COL23A1: variants seen among roughly 807,000 people sequenced by gnomAD.
COL23A1 encodes the protein collagen alpha-1(XXIII) chain.
A neutral mutation model predicts 99.3 loss-of-function variants in COL23A1; 97 were observed. The ratio of observed to expected loss-of-function variants is 0.98; its 90% CI spans 0.83 to 1.16. COL23A1 has a LOEUF of 1.16. Among genes scored for constraint, COL23A1 ranks in the 50% most tolerant of loss-of-function variants. The probability of loss-of-function intolerance (pLI) is 0.00; values close to 1 mark genes in which losing one functional copy is unlikely to be tolerated. For synonymous variants in COL23A1, 320 were observed against 308.2 expected (o/e 1.04, Z -0.40); for missense variants, 762 against 757.4 (o/e 1.01, Z -0.07).
At chr5:178,375,341 C>T (rs1178504588) in intron 2 of COL23A1, among the ~76,000 whole-genome samples, 1 of 152,216 alleles carries the variant, frequency 6.6e-6, no homozygotes, top group Non-Finnish European at 1.5e-5. Flanking sequence ...CTAAAACGGA[C>T]ATCTCTCCCC....
intron 2 of COL23A1, among the ~76,000 whole-genome samples, chr5:178,452,256 A>C (rs1396653288): frequency 6.6e-6 from 1 of 152,158 alleles, no homozygotes; most frequent in Non-Finnish European, 1.5e-5. Context: ...TAATAGGGGA[A>C]ATATATGGAA....
At chr5:178,440,145 G>A (rs1766782255) in intron 2 of COL23A1, among the ~76,000 whole-genome samples, 1 of 152,090 alleles carries the variant, frequency 6.6e-6, no homozygotes, top group Non-Finnish European at 1.5e-5. Context: ...TACAATAGGT[G>A]AATTTTATGG....
intron 8 of COL23A1, among the ~76,000 whole-genome samples, chr5:178,266,779 G>A (rs992067171): frequency 6.6e-6 from 1 of 152,234 alleles, no homozygotes; most frequent in Non-Finnish European, 1.5e-5. Context: ...CGCCCGGCCA[G>A]CTCTGACCAC....
intron 2 of COL23A1, among the ~76,000 whole-genome samples, chr5:178,479,147 A>G (rs1255775770): frequency 1.3e-5 from 2 of 152,130 alleles, no homozygotes; most frequent in African/African-American, 4.8e-5. Flanking sequence ...ACAACAGCCA[A>G]CACTCACAGA....
rs1581446915 is a variant in COL23A1, at chr5:178,249,302, C to T, written c.1060-96G>A. The T allele has an allele frequency of 3.3e-6, 4 of 1,217,178 alleles. No individual in the cohort carries two copies. The East Asian group carries it at 9.4e-5, about 28-fold the overall frequency. 75.4% of individuals were successfully genotyped at this position (1,217,178 alleles called of 1,614,324 possible). On this transcript the variant is annotated intron_variant, in intron 18 of 28. Coordinates refer to ENST00000390654, the MANE Select transcript of COL23A1 (RefSeq NM_173465.4). ...CAGAGCTTAGTTCATGCTAGGGCCC[C>T]ACTTTCTCTTTGTGGGTCCCCACCT...
chr5:178,559,498 C>T (rs1762447548), intron 2 of COL23A1, among the ~76,000 whole-genome samples: 1 of 149,768 alleles, frequency 6.7e-6, no homozygotes, highest in Non-Finnish European at 1.5e-5. Context: ...GCCACCTTTC[C>T]CTGCACATCG....
chr5:178,292,649 G>A (rs978815899), intron 3 of COL23A1, among the ~76,000 whole-genome samples: 1 of 152,194 alleles, frequency 6.6e-6, no homozygotes. Flanking sequence ...AGGGGAGAGA[G>A]GACAGTGGCT....
chr5:178,527,534 T>C (rs1760377664), intron 2 of COL23A1, among the ~76,000 whole-genome samples: 1 of 152,222 alleles, frequency 6.6e-6, no homozygotes, highest in African/African-American at 2.4e-5. Context: ...CCCGGGTGGA[T>C]GGTGTGTCCC....
intron 2 of COL23A1, among the ~76,000 whole-genome samples, chr5:178,542,174 C>T (rs1253224253): frequency 9.2e-5 from 14 of 152,120 alleles, no homozygotes; most frequent in Admixed American, 9.2e-4. Flanking sequence ...CAGGCACCTG[C>T]CACCACAACC....
chr5:178,583,030 C>T (rs1370260161), intron 1 of COL23A1, among the ~76,000 whole-genome samples: 1 of 152,254 alleles, frequency 6.6e-6, no homozygotes, highest in Non-Finnish European at 1.5e-5. Context: ...GCTCTTCCGC[C>T]TCTGTGACAT....
intron 2 of COL23A1, among the ~76,000 whole-genome samples, chr5:178,372,827 C>T (rs1762869023): frequency 6.6e-6 from 1 of 152,204 alleles, no homozygotes; most frequent in Non-Finnish European, 1.5e-5. Context: ...CTGCCTGTCT[C>T]TGCCTCCCAA....
chr5:178,577,230 G>A (rs1763420605), intron 1 of COL23A1, among the ~76,000 whole-genome samples: 1 of 152,194 alleles, frequency 6.6e-6, no homozygotes, highest in Non-Finnish European at 1.5e-5. Flanking sequence ...CGTCCTGGCG[G>A]GGCCTGCTTC....
chr5:178,520,425 G>A (rs553447923), intron 2 of COL23A1, among the ~76,000 whole-genome samples: 7 of 152,258 alleles, frequency 4.6e-5, no homozygotes, highest in South Asian at 4.1e-4. Context: ...GAACTGATAC[G>A]GAAGCTACTA....
At chr5:178,258,040 C>T (rs574854000) in intron 12 of COL23A1, among the ~76,000 whole-genome samples, 2 of 152,156 alleles carry the variant, frequency 1.3e-5, no homozygotes, top group South Asian at 4.1e-4. Flanking sequence ...ACAGCCACTG[C>T]ACTCCAGCCT....
At chr5:178,458,187 G>A (rs1755905019) in intron 2 of COL23A1, among the ~76,000 whole-genome samples, 1 of 3,460 alleles carries the variant, frequency 2.9e-4, no homozygotes, top group African/African-American at 3.3e-3. Flanking sequence ...GAGGATGCTG[G>A]GAACAAACTC....
chr5:178,239,848 G>A (rs987118479), intron 27 of COL23A1, among the ~76,000 whole-genome samples: 16 of 131,766 alleles, frequency 1.2e-4, no homozygotes, highest in Admixed American at 2.1e-4. Flanking sequence ...GCCGAGAGCC[G>A]TGTGGCTTCC....
At chr5:178,432,393 C>T (rs1300963858) in intron 2 of COL23A1, among the ~76,000 whole-genome samples, 1 of 152,204 alleles carries the variant, frequency 6.6e-6, no homozygotes, top group East Asian at 1.9e-4. Flanking sequence ...ACTACCACCC[C>T]TCAGCTGGAG....
At chr5:178,288,567 G>T in intron 4 of COL23A1, 2 of 624,890 alleles carry the variant, frequency 3.2e-6, no homozygotes, top group African/African-American at 3.7e-5. Context: ...GAGCCTCAGG[G>T]CTTCATCGGG....
At chr5:178,562,013 C>T (rs1457676432) in intron 1 of COL23A1, 3 of 504,318 alleles carry the variant, frequency 5.9e-6, no homozygotes, top group African/African-American at 3.9e-5. Flanking sequence ...GATCCTAAAA[C>T]AGAAGAAGTT....
Sources: gnomAD v4.1 joint callset for allele counts (sites outside exome capture counted in the v4.1 genomes callset) on GRCh38, gnomAD v4.1.1 for gene constraint, MANE v1.5 for transcripts, NCBI Gene and HGNC (gene_info 2026-07-23, HGNC 2026-07-21) for gene names.